Variants in ERO1B observed in about 807,000 individuals in gnomAD.
The protein encoded by ERO1B is ERO1-like protein beta.
In ERO1B, 49 loss-of-function variants were observed where a neutral mutation model predicts 75.3. The ratio of observed to expected loss-of-function variants is 0.65; its 90% CI spans 0.52 to 0.83. ERO1B has a LOEUF of 0.83. Among genes scored for constraint, ERO1B ranks in the 40% least tolerant of loss-of-function variants. ERO1B has a pLI of 0.00. For missense variants in ERO1B, 512 were observed against 560.1 expected, an observed-to-expected ratio of 0.91 and a Z score of 0.87; for synonymous variants, 191 against 192.9, an observed-to-expected ratio of 0.99 and a Z score of 0.08.
At chr1:236,240,306 C>A (rs1664668416) in intron 6 of ERO1B, among the ~76,000 whole-genome samples, 1 of 152,036 alleles carries the variant, frequency 6.6e-6, no homozygotes. Context: ...AACTTTCCTC[C>A]CTACTTCCTA....
At chr1:236,225,807 C>T (rs770345239) in intron 12 of ERO1B, among the ~76,000 whole-genome samples, 1 of 152,166 alleles carries the variant, frequency 6.6e-6, no homozygotes, top group Non-Finnish European at 1.5e-5. Context: ...TGATGGCACA[C>T]ACCTGTAATC....
chr1:236,230,255 G>A lies in ERO1B; in HGVS notation c.686-5C>T. The A allele has an allele frequency of 1.9e-6, 3 of 1,590,296 alleles. No individual in the cohort carries two copies. Among genetic ancestry groups the A allele is most frequent in the Non-Finnish European group, 2.6e-6 (3 of 1,160,422 alleles). ...GCCATGTGTAGAATGATTCTCCTGA[G>A]AGAGAGAGAAAAGTGGATTAAAACA... On this transcript the variant is annotated splice_region_variant and splice_polypyrimidine_tract_variant and intron_variant, in intron 9 of 15. Transcript: ENST00000354619.
chr1:236,251,811 T>C (rs189428511), intron 4 of ERO1B, among the ~76,000 whole-genome samples: 2 of 152,318 alleles, frequency 1.3e-5, no homozygotes, highest in African/African-American at 2.4e-5. Flanking sequence ...TCTGACACTA[T>C]AGTTACATTT....
intron 2 of ERO1B, among the ~76,000 whole-genome samples, chr1:236,268,602 C>T (rs1014139779): frequency 6.6e-6 from 1 of 152,068 alleles, no homozygotes; most frequent in African/African-American, 2.4e-5. Flanking sequence ...AAAGCAAAAA[C>T]AAGGCCGGGC....
chr1:236,222,018 G>A lies in ERO1B; in HGVS notation c.1123-8C>T, dbSNP rs1435784604. The A allele has an allele frequency of 6.2e-7, 1 of 1,607,888 alleles. No homozygotes were observed. Among genetic ancestry groups the A allele is most frequent in the South Asian group, 1.1e-5 (1 of 90,934 alleles). ...ATGTAATCGGAATTCCTCCTAGCAAGCAGAAAATATTTTCAGTCTAATTAG... is the reference window on the plus strand; with the variant it reads ...ATGTAATCGGAATTCCTCCTAGCAAACAGAAAATATTTTCAGTCTAATTAG... On this transcript the variant is annotated splice_polypyrimidine_tract_variant and splice_region_variant and intron_variant, in intron 13 of 15. Coordinates refer to ENST00000354619, the MANE Select transcript of ERO1B (RefSeq NM_019891.4).
At chr1:236,256,532 C>A (rs1279967936) in intron 2 of ERO1B, among the ~76,000 whole-genome samples, 1 of 151,906 alleles carries the variant, frequency 6.6e-6, no homozygotes, top group African/African-American at 2.4e-5. Flanking sequence ...TGGAAGGAGG[C>A]GGGGGGACCT....
rs892954886 is a variant in ERO1B at position 236,281,923 on chromosome 1, A to T, written c.-140T>A. 4.2e-6 allele frequency: 2 copies of T among 471,548 alleles called. No homozygotes were observed. Among genetic ancestry groups the T allele is most frequent in the African/African-American group, 2.0e-5 (1 of 49,926 alleles). The allele number at this position is 471,548 out of a possible 1,614,324, so 29.2% of individuals were successfully genotyped here. A position where few individuals can be genotyped will look rare whatever the true frequency, so the allele number is the denominator to read the frequency against. On this transcript the variant is annotated 5_prime_UTR_variant, in exon 1 of 16. Transcript: ENST00000354619. The stretch of plus-strand genomic sequence containing the variant: ...GAGGTCTGCACTCCAGTCCGGAGGC[A>T]GGCGACTCTTTCCCCAACACCCGGC...
In ERO1B at chr1:236,263,778, C is replaced by CTTTTTTTTTTTTTTTTTTTTTTTTTT; in HGVS notation, c.222+6071_222+6096dup. ...TATATTTTTTGTTTTATTTTGTTTGCTTTTTTTTTTTTTTTTTTTTTTTTT... is the reference window on the plus strand; with the variant it reads ...TATATTTTTTGTTTTATTTTGTTTGCTTTTTTTTTTTTTTTTTTTTTTTTTTTTTTTTTTTTTTTTTTTTTTTTTTT... On this transcript the variant is annotated intron_variant, in intron 2 of 15. Coordinates refer to ENST00000354619, the MANE Select transcript of ERO1B (RefSeq NM_019891.4). Among the ~76,000 whole-genome samples the CTTTTTTTTTTTTTTTTTTTTTTTTTT allele has an allele frequency of 6.2e-5, 5 of 80,296 alleles. 1 individual carries two copies. The highest frequency in any genetic ancestry group is 1.0e-4 in the African/African-American group (2 of 19,098). 52.7% of individuals were successfully genotyped at this position (80,296 alleles called of 152,430 possible). A position where few individuals can be genotyped will look rare whatever the true frequency, so the allele number is the denominator to read the frequency against.
intron 1 of ERO1B, among the ~76,000 whole-genome samples, chr1:236,273,870 GA>G (rs1665654155): frequency 1.3e-5 from 2 of 150,788 alleles, no homozygotes; most frequent in Admixed American, 6.6e-5. Context: ...TAGAACCGCT[GA>G]AAGTATATGT....
rs189353848 is a variant in ERO1B at position 236,227,340 on chromosome 1, T to C, written c.713-601A>G. 8.1e-4 allele frequency among the ~76,000 whole-genome samples: 124 copies of C among 152,278 alleles called. 1 individual carries two copies. Among genetic ancestry groups the C allele is most frequent in the Non-Finnish European group, 1.2e-3 (84 of 68,022 alleles). On this transcript the variant is annotated intron_variant, in intron 10 of 15. Transcript: ENST00000354619. ...GTACAGGAATATAACAGAACGTTAT[T>C]TGATGTAGCCTTCTTAAGCCACAGG...
chr1:236,249,077 G>A (rs1664953945), intron 5 of ERO1B, among the ~76,000 whole-genome samples: 1 of 146,840 alleles, frequency 6.8e-6, no homozygotes, highest in South Asian at 2.1e-4. Flanking sequence ...CCAGGTTAGA[G>A]TGCAACGGTG....
At chr1:236,219,466 A>C (rs1229107168) in intron 15 of ERO1B, among the ~76,000 whole-genome samples, 3 of 152,188 alleles carry the variant, frequency 2.0e-5, no homozygotes, top group Non-Finnish European at 4.4e-5. Flanking sequence ...ATTGTTTTGA[A>C]ATTCTCAATT....
intron 1 of ERO1B, among the ~76,000 whole-genome samples, chr1:236,277,406 G>GAA (rs1385146361): frequency 3.1e-4 from 36 of 116,910 alleles, no homozygotes; most frequent in Admixed American, 5.3e-4. Context: ...TCTACTCCAG[G>GAA]AAAAAAAAAA....
chr1:236,269,571 A>T (rs1665542895), intron 2 of ERO1B, among the ~76,000 whole-genome samples: 1 of 152,224 alleles, frequency 6.6e-6, no homozygotes. Context: ...GTGTGTCCAG[A>T]TGGCAGAACT....
In ERO1B at chr1:236,215,309, T is replaced by A. The variant is rs1016660379; in HGVS notation, c.*3207A>T. Reference sequence around the variant, plus strand: ...TTTTTATCCTCAGTCTTCTTACTTATAAAACAGAGAAGTAATTGTACCTAC... The same window carrying A: ...TTTTTATCCTCAGTCTTCTTACTTAAAAAACAGAGAAGTAATTGTACCTAC... On this transcript the variant is annotated 3_prime_UTR_variant, in exon 16 of 16. Transcript: ENST00000354619. Among the ~76,000 whole-genome samples, 1 of 152,186 alleles carries A rather than the reference T, an allele frequency of 6.6e-6. No individual in the cohort carries two copies. Among genetic ancestry groups the A allele is most frequent in the Non-Finnish European group, 1.5e-5 (1 of 68,024 alleles).
chr1:236,268,947 T>G (rs1167543196), intron 2 of ERO1B, among the ~76,000 whole-genome samples: 1 of 150,272 alleles, frequency 6.7e-6, no homozygotes, highest in Non-Finnish European at 1.5e-5. Flanking sequence ...AAAATACATA[T>G]ATTTAGGCCG....
chr1:236,273,548 G>A (rs1450769815), intron 1 of ERO1B, among the ~76,000 whole-genome samples: 1 of 152,024 alleles, frequency 6.6e-6, no homozygotes, highest in East Asian at 1.9e-4. Context: ...GGTTGGGCCA[G>A]GCACAATGAC....
At chr1:236,231,401 C>T (rs1461896160) in intron 9 of ERO1B, among the ~76,000 whole-genome samples, 3 of 150,206 alleles carry the variant, frequency 2.0e-5, no homozygotes, top group Admixed American at 6.7e-5. Context: ...AAAATTGCTG[C>T]GATTTTAAGT....
chr1:236,245,094 T>C (rs960098247), intron 5 of ERO1B, among the ~76,000 whole-genome samples: 5 of 151,238 alleles, frequency 3.3e-5, no homozygotes, highest in African/African-American at 9.7e-5. Context: ...GATCAAGTGA[T>C]CCTTCTATCC....
Sources: allele counts gnomAD v4.1 joint callset (sites outside exome capture counted in the v4.1 genomes callset), GRCh38; gene constraint gnomAD v4.1.1; transcripts MANE v1.5; gene names NCBI Gene and HGNC (gene_info 2026-07-23, HGNC 2026-07-21).